The following NOP9 variants were observed in gnomAD, a reference collection of about 807,000 sequenced individuals.
The protein encoded by NOP9 is nucleolar protein 9.
A neutral mutation model predicts 63.0 loss-of-function variants in NOP9; 50 were observed. That is an observed-to-expected ratio of 0.79 (90% CI 0.63 to 1.00). NOP9 has a LOEUF of 1.00. Among genes scored for constraint, NOP9 ranks in the 50% least tolerant of loss-of-function variants. The probability of loss-of-function intolerance (pLI) is 0.00; values close to 1 mark genes in which losing one functional copy is unlikely to be tolerated. For missense variants in NOP9, 758 were observed against 803.0 expected (o/e 0.94, Z 0.68); for synonymous variants, 343 against 332.8 (o/e 1.03, Z -0.33).
In NOP9 at chr14:24,307,070, A is replaced by C; in HGVS notation, c.*1975A>C. The C allele has an allele frequency of 3.2e-6, 1 of 309,508 alleles. No homozygotes were observed. Among genetic ancestry groups the C allele is most frequent in the South Asian group, 6.7e-5 (1 of 14,976 alleles). The allele number at this position is 309,508 out of a possible 1,614,324, so 19.2% of individuals were successfully genotyped here. A position where few individuals can be genotyped will look rare whatever the true frequency, so the allele number is the denominator to read the frequency against. ...ACTTCCCAAGGTTTGACAGGCAGGA[A>C]GTGGCAGAATCAGAATTTGAACTTG... On this transcript the variant is annotated 3_prime_UTR_variant, in exon 10 of 10. Coordinates refer to ENST00000267425, the MANE Select transcript of NOP9 (RefSeq NM_174913.3).
upstream of NOP9, chr14:24,296,589 C>T: frequency 6.2e-7 from 1 of 1,613,872 alleles, no homozygotes; most frequent in Non-Finnish European, 8.5e-7. Context: ...TCAGGATCGT[C>T]TGGAAGGCAC....
chr14:24,304,117 T>G lies in NOP9; in HGVS notation c.1487T>G (p.Phe496Cys). The G allele has an allele frequency of 6.2e-7, 1 of 1,614,196 alleles. No individual in the cohort carries two copies. Among genetic ancestry groups the G allele is most frequent in the Non-Finnish European group, 8.5e-7 (1 of 1,180,022 alleles). Residue 496 changes from phenylalanine (F) to cysteine (C), a missense_variant, in exon 8 of 10, where the codon TTC becomes TGC. Phe to Cys is a radical substitution (Grantham distance 205, BLOSUM62 -2). Transcript: ENST00000267425. ...GSLLLQHLLHFSTPGLVLRSL... is the reference protein window; with the variant it reads ...GSLLLQHLLHCSTPGLVLRSL... ...CTACTGCTCCAGCATCTGCTGCACTTCTCCACTCCTGGTCTTGTACTTCGA... is the reference window on the plus strand; with the variant it reads ...CTACTGCTCCAGCATCTGCTGCACTGCTCCACTCCTGGTCTTGTACTTCGA...
At position 24,300,198 on chromosome 14, in the gene NOP9, C is replaced by T; in HGVS notation, c.244C>T (p.Arg82Ter). The change falls in exon 1 of 10, where the codon CGA becomes TGA. Residue 82 changes from arginine (R) to a stop codon, truncating the protein, a stop_gained. Coordinates refer to ENST00000267425, the MANE Select transcript of NOP9 (RefSeq NM_174913.3). LOFTEE classifies it high-confidence loss of function. ...AGAGGCTCCCGAGACTGGGGAAGAA[C>T]GAGGTAGGCAGCAACTTCGGGGTTT... is the stretch of plus-strand genomic sequence containing the variant. The part of the protein sequence containing the change: ...LKEAPETGEE[R>*]DLMVHNIMKE... 1 of 1,613,516 alleles carries T rather than the reference C, an allele frequency of 6.2e-7. No homozygotes were observed. The highest frequency in any genetic ancestry group is 8.5e-7 in the Non-Finnish European group (1 of 1,179,608).
Position 24,305,336 on chromosome 14 carries a change from T to G in NOP9, c.*241T>G, listed in dbSNP as rs984270295. On this transcript the variant is annotated 3_prime_UTR_variant, in exon 10 of 10. Coordinates refer to ENST00000267425, the MANE Select transcript of NOP9 (RefSeq NM_174913.3). ...CAGGAGGCATTGGTAGGGGATTAGA[T>G]GTAGCAGCAGTCAGGCTGGGATCAA... 11 of 560,198 alleles carry G rather than the reference T, an allele frequency of 2.0e-5. No homozygotes were observed. Among genetic ancestry groups the G allele is most frequent in the Non-Finnish European group, 3.3e-5 (11 of 332,846 alleles). The allele number at this position is 560,198 out of a possible 1,614,324, so 34.7% of individuals were successfully genotyped here.
upstream of NOP9, chr14:24,296,454 C>A (rs1047463595): frequency 2.6e-6 from 4 of 1,565,798 alleles, no homozygotes; most frequent in Non-Finnish European, 3.5e-6. Context: ...AAGGCCTGGC[C>A]GTCGAGTTGG....
chr14:24,276,388 A>AG, the NOP9 span, among the ~76,000 whole-genome samples: 4 of 151,866 alleles, frequency 2.6e-5, no homozygotes. Context: ...AAAAAAAAAA[A>AG]AAAATAGGTG....
chr14:24,305,146 C>A lies in NOP9; in HGVS notation c.*51C>A, dbSNP rs1214506431. 4 of 1,356,020 alleles carry A rather than the reference C, an allele frequency of 2.9e-6. No individual in the cohort carries two copies. The highest frequency in any genetic ancestry group is 6.8e-5 in the Admixed American group (2 of 29,356). 84.0% of individuals were successfully genotyped at this position (1,356,020 alleles called of 1,614,324 possible). ...GATGGGGGAGGGCAAAATGGGGTAT[C>A]CACCCCATCCCTTTCCTGGTTTAAA... On this transcript the variant is annotated 3_prime_UTR_variant, in exon 10 of 10. Transcript: ENST00000267425.
In NOP9 at chr14:24,307,325, C is replaced by A; in HGVS notation, c.*2230C>A. On this transcript the variant is annotated 3_prime_UTR_variant, in exon 10 of 10. Coordinates refer to ENST00000267425, the MANE Select transcript of NOP9 (RefSeq NM_174913.3). ...CACAAGTTGCCACTGTTGTGGAGCC[C>A]CTTGGCTACCCCTGCTATAGGAACC... 1 of 1,577,502 alleles carries A rather than the reference C, an allele frequency of 6.3e-7. No individual in the cohort carries two copies. Among genetic ancestry groups the A allele is most frequent in the Non-Finnish European group, 8.6e-7 (1 of 1,159,202 alleles).
the NOP9 span, chr14:24,293,959 A>G: frequency 6.6e-6 from 1 of 152,266 alleles, no homozygotes; most frequent in East Asian, 1.9e-4. Flanking sequence ...TGAGAACGCA[A>G]TGTATTACGA....
At chr14:24,275,143 C>T in the NOP9 span, among the ~76,000 whole-genome samples, 1 of 149,568 alleles carries the variant, frequency 6.7e-6, no homozygotes, top group Admixed American at 6.7e-5. Flanking sequence ...AACTCCCGAC[C>T]TCAGGTGAGC....
Position 24,300,491 on chromosome 14 carries a change from C to T in NOP9, c.331C>T (p.Gln111Ter). ...STNRTGSEMLQELLGFSPLKP... is the reference protein window; with the variant it reads ...STNRTGSEML ...GAACAGGACTGGCAGTGAGATGCTGCAGGAACTGTTGGGATTCAGTCCCTT... is the reference window on the plus strand; with the variant it reads ...GAACAGGACTGGCAGTGAGATGCTGTAGGAACTGTTGGGATTCAGTCCCTT... The change falls in exon 2 of 10, where the codon CAG becomes TAG. Residue 111 changes from glutamine (Q) to a stop codon, truncating the protein, a stop_gained. Transcript: ENST00000267425. LOFTEE classifies it high-confidence loss of function. 6.2e-7 allele frequency: 1 copy of T among 1,614,240 alleles called. No individual in the cohort carries two copies. The highest frequency in any genetic ancestry group is 8.5e-7 in the Non-Finnish European group (1 of 1,180,032).
chr14:24,282,798 A>G, the NOP9 span, among the ~76,000 whole-genome samples: 1 of 152,140 alleles, frequency 6.6e-6, no homozygotes, highest in African/African-American at 2.4e-5. Flanking sequence ...ATTCACCACT[A>G]TCAAGCACAA....
upstream of NOP9, chr14:24,299,265 T>C: frequency 8.8e-6 from 7 of 793,686 alleles, no homozygotes; most frequent in Non-Finnish European, 1.2e-5. Flanking sequence ...GGGAGAGGAG[T>C]CAGAGGCTGA....
At position 24,308,813 on chromosome 14, in the gene NOP9, C is replaced by T. The variant is rs2041599707; in HGVS notation, c.*3718C>T. 6.6e-6 allele frequency: 1 copy of T among 152,206 alleles called. No individual in the cohort carries two copies. The highest frequency in any genetic ancestry group is 6.5e-5 in the Admixed American group (1 of 15,286). 9.4% of individuals were successfully genotyped at this position (152,206 alleles called of 1,614,324 possible). A position where few individuals can be genotyped will look rare whatever the true frequency, so the allele number is the denominator to read the frequency against. The stretch of plus-strand genomic sequence containing the variant: ...ATCCTTGTAGGGTCCCCCAGCTTCC[C>T]CACTTTTTTTCTGTGTCCTGACAAA... On this transcript the variant is annotated 3_prime_UTR_variant, in exon 10 of 10. Coordinates refer to ENST00000267425, the MANE Select transcript of NOP9 (RefSeq NM_174913.3).
chr14:24,282,284 C>T, the NOP9 span, among the ~76,000 whole-genome samples: 4 of 152,096 alleles, frequency 2.6e-5, no homozygotes, highest in East Asian at 1.9e-4. Flanking sequence ...CAGATTTGGT[C>T]GAATCCAGAC....
chr14:24,286,091 C>T, the NOP9 span, among the ~76,000 whole-genome samples: 6 of 152,220 alleles, frequency 3.9e-5, no homozygotes, highest in African/African-American at 1.4e-4. Context: ...CTTGACTTGC[C>T]TCAGTTGGGG....
chr14:24,274,192 A>G, the NOP9 span, among the ~76,000 whole-genome samples: 1 of 152,156 alleles, frequency 6.6e-6, no homozygotes, highest in Non-Finnish European at 1.5e-5. Context: ...AGGCGCAACC[A>G]GATACTTGGG....
chr14:24,305,878 G>A lies in NOP9; in HGVS notation c.*783G>A. The A allele has an allele frequency of 6.3e-7, 1 of 1,580,850 alleles. No individual in the cohort carries two copies. Among genetic ancestry groups the A allele is most frequent in the Non-Finnish European group, 8.6e-7 (1 of 1,159,050 alleles). ...AAGAGCTAACTAGGGGTAGGTGGGT[G>A]CAAGAGGACGAATTATGGGGACTAT... On this transcript the variant is annotated 3_prime_UTR_variant, in exon 10 of 10. Transcript: ENST00000267425.
the NOP9 span, among the ~76,000 whole-genome samples, chr14:24,280,003 G>A: frequency 3.2e-3 from 485 of 152,276 alleles, 4 homozygotes; most frequent in Non-Finnish European, 3.5e-3. Flanking sequence ...AAGAGGAACC[G>A]CTCCTTTTGG....
Sources: allele counts gnomAD v4.1 joint callset (sites outside exome capture counted in the v4.1 genomes callset), GRCh38; gene constraint gnomAD v4.1.1; transcripts MANE v1.5; gene names NCBI Gene and HGNC (gene_info 2026-07-23, HGNC 2026-07-21).